The following MED12L variants were observed in gnomAD, a reference collection of about 807,000 sequenced individuals.
The protein encoded by MED12L is mediator complex subunit 12L, also known as mediator of RNA polymerase II transcription subunit 12-like protein.
In MED12L, 60 loss-of-function variants were observed where a neutral mutation model predicts 281.3. That is an observed-to-expected ratio of 0.21 (90% CI 0.17 to 0.26). The LOEUF (loss-of-function observed/expected upper bound fraction) is 0.26, where lower values mean the gene tolerates loss of function less well. MED12L is among the 10% of genes least tolerant of loss of function. The probability of loss-of-function intolerance (pLI) is 1.00; values close to 1 mark genes in which losing one functional copy is unlikely to be tolerated. For missense variants in MED12L, 2,146 were observed against 2,680.9 expected (o/e 0.80, Z 4.41); for synonymous variants, 974 against 987.2 (o/e 0.99, Z 0.25).
chr3:151,280,874 A>T (rs917639554), intron 16 of MED12L, among the ~76,000 whole-genome samples: 4 of 151,922 alleles, frequency 2.6e-5, no homozygotes, highest in Non-Finnish European at 5.9e-5. Context: ...TTCACAAGTA[A>T]GAAAATAGAG....
At chr3:151,322,925 G>A (rs1056007187) in intron 16 of MED12L, among the ~76,000 whole-genome samples, 1 of 151,980 alleles carries the variant, frequency 6.6e-6, no homozygotes, top group Non-Finnish European at 1.5e-5. Context: ...TTTGGAGCCT[G>A]GGTCCATATT....
intron 21 of MED12L, among the ~76,000 whole-genome samples, chr3:151,362,425 T>C (rs1754724753): frequency 6.6e-6 from 1 of 152,068 alleles, no homozygotes. Flanking sequence ...CAACCCACAG[T>C]AGGGCTTTTG....
Position 151,436,422 on chromosome 3 carries a change from T to TAGTGA in MED12L, c.*3620_*3624dup. ...GGTACATTAGCCATTTGTTATTTTA[T>TAGTGA]AGTGAACCGTTTCAATGTTTGTTTA... On this transcript the variant is annotated 3_prime_UTR_variant, in exon 45 of 45. Transcript: ENST00000687756. The TAGTGA allele has an allele frequency of 3.3e-6, 1 of 304,510 alleles. No individual in the cohort carries two copies. The highest frequency in any genetic ancestry group is 4.7e-5 in the Admixed American group (1 of 21,118). 18.9% of individuals were successfully genotyped at this position (304,510 alleles called of 1,614,324 possible).
intron 16 of MED12L, chr3:151,294,421 A>G (rs761166294): frequency 4.6e-5 from 74 of 1,614,080 alleles, no homozygotes; most frequent in Non-Finnish European, 5.8e-5. Context: ...GACTAAAAGT[A>G]AAAGGAATTC....
At chr3:151,152,687 T>C (rs1313471794) in intron 5 of MED12L, among the ~76,000 whole-genome samples, 1 of 152,206 alleles carries the variant, frequency 6.6e-6, no homozygotes, top group Non-Finnish European at 1.5e-5. Flanking sequence ...ATGTATATTA[T>C]TAATGCCTCT....
Position 151,411,512 on chromosome 3 carries a change from T to C in MED12L, c.6140+5T>C, listed in dbSNP as rs1476131198. 3.1e-6 allele frequency: 5 copies of C among 1,613,054 alleles called. No homozygotes were observed. Among genetic ancestry groups the C allele is most frequent in the Non-Finnish European group, 8.5e-7 (1 of 1,178,992 alleles). On this transcript the variant is annotated splice_donor_5th_base_variant and intron_variant, in intron 41 of 44. Coordinates refer to ENST00000687756, the MANE Select transcript of MED12L (RefSeq NM_001393769.1). ...GCCCCTGACTGGCTCTCAGAGGTGA[T>C]ACATGTGGAAATGATGATGGCAATA... is the stretch of plus-strand genomic sequence containing the variant.
chr3:151,417,006 T>A (rs1717640956), intron 43 of MED12L, among the ~76,000 whole-genome samples: 1 of 152,256 alleles, frequency 6.6e-6, no homozygotes, highest in African/African-American at 2.4e-5. Context: ...TTTCATTAAT[T>A]ACTTTTTTTT....
chr3:151,135,113 G>T (rs1437774168), intron 5 of MED12L, among the ~76,000 whole-genome samples: 3 of 150,224 alleles, frequency 2.0e-5, no homozygotes, highest in African/African-American at 7.4e-5. Flanking sequence ...GCCAACCTCC[G>T]CTCTCAGGTT....
At chr3:151,198,860 C>T in intron 16 of MED12L, 1 of 1,613,900 alleles carries the variant, frequency 6.2e-7, no homozygotes, top group Non-Finnish European at 8.5e-7. Flanking sequence ...CAGCAAATGC[C>T]AATTTCTTCC....
At chr3:151,366,075 T>A in intron 23 of MED12L, 84 bp downstream of exon 23, 1 of 1,176,232 alleles carries the variant, frequency 8.5e-7, no homozygotes, top group Non-Finnish European at 1.1e-6. Context: ...TGGCTTTTAT[T>A]TAATTGATTC....
chr3:151,402,795 T>C, intron 39 of MED12L, among the ~76,000 whole-genome samples: 1 of 152,210 alleles, frequency 6.6e-6, no homozygotes, highest in Non-Finnish European at 1.5e-5. Flanking sequence ...ATAGGGCCTA[T>C]GTTTTTAAGT....
At chr3:151,229,177 T>G (rs1282708769) in intron 16 of MED12L, among the ~76,000 whole-genome samples, 3 of 152,202 alleles carry the variant, frequency 2.0e-5, no homozygotes, top group African/African-American at 7.2e-5. Context: ...TGTACAGAAG[T>G]GATTCCCATA....
chr3:151,370,158 C>T (rs1002241944), intron 26 of MED12L, among the ~76,000 whole-genome samples: 1 of 152,008 alleles, frequency 6.6e-6, no homozygotes, highest in Non-Finnish European at 1.5e-5. Flanking sequence ...AAGAATTTTC[C>T]TGGAATAATA....
chr3:151,328,719 C>T, intron 16 of MED12L: 1 of 1,614,016 alleles, frequency 6.2e-7, no homozygotes, highest in Non-Finnish European at 8.5e-7. Context: ...CACACAAAAG[C>T]TCTGAGCTGC....
chr3:151,185,254 C>T, intron 11 of MED12L, 76 bp from the exon 12 acceptor site: 1 of 1,457,240 alleles, frequency 6.9e-7, no homozygotes, highest in South Asian at 1.3e-5. Context: ...TTAGATATTC[C>T]CTTGCTTGCT....
chr3:151,164,905 C>A (rs181644700), intron 9 of MED12L, among the ~76,000 whole-genome samples: 3 of 151,842 alleles, frequency 2.0e-5, no homozygotes, highest in Non-Finnish European at 2.9e-5. Flanking sequence ...TAATGTTAAA[C>A]GATGAGTTAA....
At chr3:151,135,153 G>A (rs967027987) in intron 5 of MED12L, among the ~76,000 whole-genome samples, 1 of 152,102 alleles carries the variant, frequency 6.6e-6, no homozygotes, top group Non-Finnish European at 1.5e-5. Flanking sequence ...AGCCTCCCAA[G>A]TAGCTGGGAT....
chr3:151,151,031 C>CTTGATTTTTTTTTTTTTTTTTTTTT (rs1718398683), intron 5 of MED12L, among the ~76,000 whole-genome samples: 1 of 32,880 alleles, frequency 3.0e-5, no homozygotes, highest in Non-Finnish European at 5.4e-5. Context: ...GCTGAAGTAG[C>CTTGATTTTTTTTTTTTTTTTTTTTT]TTTTTTTTTT....
chr3:151,368,664 CATTTCATTTCATGTCATTTCATTTT>C (rs1560087252), intron 25 of MED12L, among the ~76,000 whole-genome samples: 1,431 of 62,766 alleles, frequency 0.023, 51 homozygotes, highest in African/African-American at 0.076. Flanking sequence ...CATTTCATTT[CATTTCATTTCATGTCATTTCATTTT>C]ATTTCATTTC....
Sources: allele counts gnomAD v4.1 joint callset (sites outside exome capture counted in the v4.1 genomes callset), GRCh38; gene constraint gnomAD v4.1.1; transcripts MANE v1.5; gene names NCBI Gene and HGNC (gene_info 2026-07-23, HGNC 2026-07-21).